Variants in ASB3 observed in about 807,000 individuals in gnomAD.
The protein encoded by ASB3 is ankyrin repeat and SOCS box protein 3.
Under a neutral mutation model 54.5 loss-of-function variants are expected in ASB3, and 41 were observed. The ratio of observed to expected loss-of-function variants is 0.75; its 90% CI spans 0.59 to 0.98. The LOEUF is 0.98. ASB3 is among the 50% of genes least tolerant of loss of function. The probability of loss-of-function intolerance (pLI) is 0.00; values close to 1 mark genes in which losing one functional copy is unlikely to be tolerated. For synonymous variants in ASB3, 266 were observed against 221.2 expected (o/e 1.20, Z -1.80); for missense variants, 733 against 620.0 (o/e 1.18, Z -1.94).
At chr2:53,781,663 T>C (rs1486278141) in intron 1 of ASB3, among the ~76,000 whole-genome samples, 1 of 151,800 alleles carries the variant, frequency 6.6e-6, no homozygotes, top group Non-Finnish European at 1.5e-5. Flanking sequence ...GCCTGTCTAA[T>C]TTTCTATTTT....
chr2:53,702,307 T>A (rs1558525968), intron 7 of ASB3, among the ~76,000 whole-genome samples: 2 of 152,144 alleles, frequency 1.3e-5, no homozygotes, highest in Non-Finnish European at 2.9e-5. Context: ...TGCCCTGAGC[T>A]TCTGGGAAGG....
In ASB3 at chr2:53,728,971, A is replaced by T; in HGVS notation, c.469-124T>A. ...TAAAGGATAACTTGAAGGAAAAAAC[A>T]AAACAGTATACTGCTGTATTAGTTG... On this transcript the variant is annotated intron_variant, in intron 4 of 9. Coordinates refer to ENST00000263634, the MANE Select transcript of ASB3 (RefSeq NM_016115.5). 2.7e-6 allele frequency: 3 copies of T among 1,114,366 alleles called. No homozygotes were observed. In the Admixed American group the frequency reaches 8.6e-5, roughly 32 times the overall value. 69.0% of individuals were successfully genotyped at this position (1,114,366 alleles called of 1,614,324 possible).
At chr2:53,708,230 G>C (rs1442957850) in intron 7 of ASB3, among the ~76,000 whole-genome samples, 1 of 152,092 alleles carries the variant, frequency 6.6e-6, no homozygotes, top group Non-Finnish European at 1.5e-5. Context: ...TTGTTTAAAA[G>C]TGTGTGGCAC....
chr2:53,729,552 A>G lies in ASB3; in HGVS notation c.374T>C (p.Ile125Thr), dbSNP rs1249551646. The change falls in exon 4 of 10, where the codon ATA becomes ACA. Residue 125 changes from isoleucine (I) to threonine (T), a missense_variant. Physicochemically the swap from Ile to Thr is moderately conservative, Grantham distance 89. Transcript: ENST00000263634. ...TTGAAGCAACAGCCTTAACACATCT[A>G]TCTGTCCATTTTCAACAGCTGTAAT... ...PLFLAVENGQ[I>T]DVLRLLLQHG... 1 of 1,613,812 alleles carries G rather than the reference A, an allele frequency of 6.2e-7. No homozygotes were observed. Among genetic ancestry groups the G allele is most frequent in the East Asian group, 2.2e-5 (1 of 44,856 alleles).
intron 1 of ASB3, chr2:53,768,111 C>A (rs951497285): frequency 1.9e-5 from 28 of 1,455,706 alleles, no homozygotes; most frequent in Non-Finnish European, 2.4e-5. Context: ...GAGAACCACA[C>A]CTTAGCGCTT....
intron 2 of ASB3, among the ~76,000 whole-genome samples, chr2:53,752,077 T>C (rs1431213243): frequency 2.6e-5 from 4 of 152,192 alleles, no homozygotes; most frequent in Non-Finnish European, 5.9e-5. Context: ...CATATATAGA[T>C]AATAGACATC....
chr2:53,745,855 C>A (rs914387206), intron 3 of ASB3, among the ~76,000 whole-genome samples: 3 of 152,232 alleles, frequency 2.0e-5, no homozygotes, highest in Non-Finnish European at 4.4e-5. Context: ...ACCTTCCTTT[C>A]TCACTTTAAG....
chr2:53,706,307 T>C (rs1440246226), intron 7 of ASB3, among the ~76,000 whole-genome samples: 1 of 152,218 alleles, frequency 6.6e-6, no homozygotes, highest in Non-Finnish European at 1.5e-5. Flanking sequence ...ATTCATTAAT[T>C]CACAAATATA....
intron 3 of ASB3, among the ~76,000 whole-genome samples, chr2:53,749,425 A>C (rs1310658911): frequency 6.6e-6 from 1 of 152,142 alleles, no homozygotes; most frequent in African/African-American, 2.4e-5. Context: ...ACATATATTT[A>C]CCATATGTCA....
At chr2:53,781,457 A>T (rs986144637) in intron 1 of ASB3, among the ~76,000 whole-genome samples, 7 of 149,860 alleles carry the variant, frequency 4.7e-5, no homozygotes, top group African/African-American at 7.3e-5. Flanking sequence ...CTCATTTTGT[A>T]CCTCCATTGG....
chr2:53,760,720 G>C (rs1369575359), intron 2 of ASB3, among the ~76,000 whole-genome samples: 1 of 152,144 alleles, frequency 6.6e-6, no homozygotes, highest in African/African-American at 2.4e-5. Flanking sequence ...TACTAGACCA[G>C]GCCTTTTCAA....
At chr2:53,748,767 C>T (rs932357639) in intron 3 of ASB3, among the ~76,000 whole-genome samples, 6 of 152,036 alleles carry the variant, frequency 3.9e-5, no homozygotes, top group African/African-American at 1.4e-4. Flanking sequence ...AGAGACATAA[C>T]AACTAAATAT....
At chr2:53,754,089 T>C (rs1672681861) in intron 2 of ASB3, among the ~76,000 whole-genome samples, 1 of 151,698 alleles carries the variant, frequency 6.6e-6, no homozygotes, top group South Asian at 2.1e-4. Flanking sequence ...AAACAAACAA[T>C]GGGGGCATGC....
intron 5 of ASB3, among the ~76,000 whole-genome samples, chr2:53,727,199 T>C (rs531971059): frequency 6.6e-6 from 1 of 152,340 alleles, no homozygotes; most frequent in South Asian, 2.1e-4. Context: ...ATTTTGGGGA[T>C]TCCTCTTAAC....
At position 53,757,347 on chromosome 2, in the gene ASB3, T is replaced by C. The variant is rs1419011363; in HGVS notation, c.197-6406A>G. Among the ~76,000 whole-genome samples the C allele has an allele frequency of 3.3e-5, 5 of 152,204 alleles. No individual in the cohort carries two copies. The East Asian group carries it at 9.7e-4, about 29-fold the overall frequency. On this transcript the variant is annotated intron_variant, in intron 2 of 9. Transcript: ENST00000263634. Reference sequence around the variant, plus strand: ...CCTGGAACCAGCTTCTGCTTTCAATTTTCCTGGGGAGGCCGAGGGCCGACT... The same window carrying C: ...CCTGGAACCAGCTTCTGCTTTCAATCTTCCTGGGGAGGCCGAGGGCCGACT...
chr2:53,670,393 T>A lies in ASB3; in HGVS notation c.*110A>T. 8.9e-7 allele frequency: 1 copy of A among 1,122,296 alleles called. No individual in the cohort carries two copies. The highest frequency in any genetic ancestry group is 1.2e-6 in the Non-Finnish European group (1 of 860,092). 69.5% of individuals were successfully genotyped at this position (1,122,296 alleles called of 1,614,324 possible). A position where few individuals can be genotyped will look rare whatever the true frequency, so the allele number is the denominator to read the frequency against. Reference sequence around the variant, plus strand: ...CCCCAAAACCTAACCTATCTCACAATCAATAATCATCTTTTGACTATAAAA... The same window carrying A: ...CCCCAAAACCTAACCTATCTCACAAACAATAATCATCTTTTGACTATAAAA... On this transcript the variant is annotated 3_prime_UTR_variant, in exon 10 of 10. Transcript: ENST00000263634.
rs182344658 is a variant in ASB3 at position 53,686,553 on chromosome 2, T to C, written c.1369+7331A>G. 2.6e-5 allele frequency among the ~76,000 whole-genome samples: 4 copies of C among 152,222 alleles called. No individual in the cohort carries two copies. The East Asian group carries it at 5.8e-4, about 22-fold the overall frequency. ...ACACTAGCTTTTTCATAATACTTATTTTAGACAGGAACCTAGTAAATATCC... is the reference window on the plus strand; with the variant it reads ...ACACTAGCTTTTTCATAATACTTATCTTAGACAGGAACCTAGTAAATATCC... On this transcript the variant is annotated intron_variant, in intron 9 of 9. Coordinates refer to ENST00000263634, the MANE Select transcript of ASB3 (RefSeq NM_016115.5).
At chr2:53,751,510 T>TA (rs1357949935) in intron 2 of ASB3, among the ~76,000 whole-genome samples, 3 of 152,122 alleles carry the variant, frequency 2.0e-5, no homozygotes, top group African/African-American at 7.2e-5. Flanking sequence ...ATTTATGAGT[T>TA]AAAGTTTCCG....
chr2:53,714,681 T>A, intron 6 of ASB3, 100 bp from the exon 7 acceptor site: 1 of 1,199,108 alleles, frequency 8.3e-7, no homozygotes, highest in Non-Finnish European at 1.2e-6. Flanking sequence ...ACCAACTGAT[T>A]CATTTAAAGA....
Sources: allele counts gnomAD v4.1 joint callset (sites outside exome capture counted in the v4.1 genomes callset), GRCh38; gene constraint gnomAD v4.1.1; transcripts MANE v1.5; gene names NCBI Gene and HGNC (gene_info 2026-07-23, HGNC 2026-07-21).